Variants in GCSAML observed in about 807,000 individuals in gnomAD.
The protein encoded by GCSAML is germinal center-associated signaling and motility-like protein.
In GCSAML, 9 loss-of-function variants were observed where a neutral mutation model predicts 13.0. The ratio of observed to expected loss-of-function variants is 0.69; its 90% CI spans 0.42 to 1.21. The LOEUF is 1.21. Ranked by LOEUF, GCSAML falls within the 50% of genes most tolerant of loss-of-function variation. The probability of loss-of-function intolerance (pLI) is 0.00; values close to 1 mark genes in which losing one functional copy is unlikely to be tolerated. For synonymous variants in GCSAML, 37 were observed against 52.9 expected (o/e 0.70, Z 1.31); for missense variants, 143 against 153.4 (o/e 0.93, Z 0.36).
chr1:247,546,514 A>C (rs1330798261), upstream of GCSAML, among the ~76,000 whole-genome samples: 1 of 151,870 alleles, frequency 6.6e-6, no homozygotes, highest in South Asian at 2.1e-4. Context: ...GCCCGCCACC[A>C]CGCCTGGCTC....
chr1:247,534,495 G>T (rs915165734), intron 2 of GCSAML, among the ~76,000 whole-genome samples: 1 of 152,208 alleles, frequency 6.6e-6, no homozygotes, highest in African/African-American at 2.4e-5. Flanking sequence ...CTCTGCTTTT[G>T]TACAGTTGGA....
At chr1:247,544,761 A>G (rs1251540163), upstream of GCSAML, among the ~76,000 whole-genome samples, 1 of 152,206 alleles carries the variant, frequency 6.6e-6, no homozygotes, top group Non-Finnish European at 1.5e-5. Context: ...AGCCCAAGGC[A>G]GGAGAATCAC....
chr1:247,512,855 A>G (rs1666087453), intron 1 of GCSAML, among the ~76,000 whole-genome samples: 3 of 152,130 alleles, frequency 2.0e-5, no homozygotes, highest in South Asian at 2.1e-4. Context: ...CAGAACAGCA[A>G]AGATTGCTGC....
chr1:247,539,521 T>C (rs906893721), intron 2 of GCSAML, among the ~76,000 whole-genome samples: 1 of 152,236 alleles, frequency 6.6e-6, no homozygotes, highest in African/African-American at 2.4e-5. Context: ...GTTTTATTTT[T>C]TTTTATTATA....
chr1:247,545,950 C>CAAAAAGA (rs1257982032), upstream of GCSAML, among the ~76,000 whole-genome samples: 12 of 95,584 alleles, frequency 1.3e-4, no homozygotes, highest in East Asian at 3.7e-3. Flanking sequence ...GTTCTTACTA[C>CAAAAAGA]AAAAAGAAAA....
chr1:247,537,343 C>T (rs1305458614), intron 2 of GCSAML, among the ~76,000 whole-genome samples: 1 of 152,224 alleles, frequency 6.6e-6, no homozygotes, highest in African/African-American at 2.4e-5. Flanking sequence ...TTCTATGACT[C>T]TACCACCTTT....
At chr1:247,532,405 TA>T in intron 2 of GCSAML, 1 of 1,614,088 alleles carries the variant, frequency 6.2e-7, no homozygotes, top group African/African-American at 1.3e-5. Flanking sequence ...CGATACCATG[TA>T]AAAACTCAAG....
At chr1:247,512,892 C>A (rs115017886) in intron 1 of GCSAML, among the ~76,000 whole-genome samples, 1 of 152,138 alleles carries the variant, frequency 6.6e-6, no homozygotes, top group African/African-American at 2.4e-5. Flanking sequence ...AAGCGTCGTC[C>A]CAGAGAAGCA....
chr1:247,533,109 C>T (rs1006856643), intron 2 of GCSAML, among the ~76,000 whole-genome samples: 4 of 152,086 alleles, frequency 2.6e-5, no homozygotes, highest in South Asian at 2.1e-4. Flanking sequence ...TAACTATATC[C>T]AGTTTTTTAT....
chr1:247,574,387 C>A lies in GCSAML; in HGVS notation c.*5C>A, dbSNP rs1668755279. The A allele has an allele frequency of 6.2e-6, 10 of 1,613,512 alleles. No individual in the cohort carries two copies. In the East Asian group the frequency reaches 2.2e-4, roughly 36 times the overall value. ...GAAGTTGTGTTTCCACACTAAAATC[C>A]TCAAGCTGCTTTATCACCTTCCAGC... On this transcript the variant is annotated 3_prime_UTR_variant, in exon 5 of 5. Coordinates refer to ENST00000366488, the MANE Select transcript of GCSAML (RefSeq NM_145278.5).
intron 3 of GCSAML, 25 bp from the exon 4 acceptor site, chr1:247,565,904 CTT>C (rs367904043): frequency 0.027 from 34,886 of 1,281,226 alleles, no homozygotes; most frequent in South Asian, 0.03. Context: ...TCCTTTCTTT[CTT>C]TTTTTTTTTT....
intron 2 of GCSAML, among the ~76,000 whole-genome samples, chr1:247,541,822 C>T (rs1667422596): frequency 6.6e-6 from 1 of 151,838 alleles, no homozygotes. Context: ...CTAGCCTGCC[C>T]AACATGGTGA....
chr1:247,535,470 TAG>T (rs530727377), intron 2 of GCSAML, among the ~76,000 whole-genome samples: 132 of 152,270 alleles, frequency 8.7e-4, no homozygotes, highest in African/African-American at 2.9e-3. Flanking sequence ...GTACTGTATA[TAG>T]AGTCACCGCA....
intron 1 of GCSAML, among the ~76,000 whole-genome samples, chr1:247,508,065 T>A (rs1025843671): frequency 3.5e-4 from 53 of 152,334 alleles, no homozygotes; most frequent in African/African-American, 1.2e-3. Context: ...GTATTTCTGG[T>A]TCTAGATCCT....
chr1:247,525,970 A>T (rs1473981776), intron 1 of GCSAML: 1 of 152,240 alleles, frequency 6.6e-6, no homozygotes, highest in Admixed American at 6.5e-5. Flanking sequence ...GAGTATATAC[A>T]TGTGAATACC....
chr1:247,573,467 C>T (rs1168415442), intron 4 of GCSAML, among the ~76,000 whole-genome samples: 1 of 152,156 alleles, frequency 6.6e-6, no homozygotes, highest in Admixed American at 6.5e-5. Context: ...CTTGCACTTC[C>T]TGTGTGAGGT....
rs555530347 is a variant in GCSAML, at chr1:247,512,088, T to C, written c.-263+4855T>C. 9.2e-5 allele frequency among the ~76,000 whole-genome samples: 14 copies of C among 152,296 alleles called. No individual in the cohort carries two copies. In the East Asian group the frequency reaches 2.7e-3, roughly 29 times the overall value. ...GTTGGGGAAATTCTCCTGGATAATATTCTGAAGAGTGTTTTTCAACTTGGT... is the reference window on the plus strand; with the variant it reads ...GTTGGGGAAATTCTCCTGGATAATACTCTGAAGAGTGTTTTTCAACTTGGT... On this transcript the variant is annotated intron_variant, in intron 1 of 5. Transcript: ENST00000366489.
intron 2 of GCSAML, among the ~76,000 whole-genome samples, chr1:247,560,118 G>C (rs189102336): frequency 1.3e-4 from 20 of 152,346 alleles, no homozygotes; most frequent in Admixed American, 1.1e-3. Flanking sequence ...GTATTTAAGA[G>C]AGAGTGGACA....
At chr1:247,565,268 G>T (rs1668298395) in intron 3 of GCSAML, among the ~76,000 whole-genome samples, 1 of 152,016 alleles carries the variant, frequency 6.6e-6, no homozygotes, top group South Asian at 2.1e-4. Flanking sequence ...TGAGGCAGGA[G>T]AATCGCTTGA....
Sources: gnomAD v4.1 joint callset for allele counts (sites outside exome capture counted in the v4.1 genomes callset) on GRCh38, gnomAD v4.1.1 for gene constraint, MANE v1.5 for transcripts, NCBI Gene and HGNC (gene_info 2026-07-23, HGNC 2026-07-21) for gene names.